Variants in PCOLCE2 observed in about 807,000 individuals in gnomAD.
The protein encoded by PCOLCE2 is procollagen C-proteinase enhancer 2.
PCOLCE2 carries 42 observed loss-of-function variants against 47.0 expected under a neutral mutation model. The ratio of observed to expected loss-of-function variants is 0.89; its 90% CI spans 0.70 to 1.16. The LOEUF is 1.16. Among genes scored for constraint, PCOLCE2 ranks in the 50% most tolerant of loss-of-function variants. The pLI is 0.00. For synonymous variants in PCOLCE2, 169 were observed against 191.7 expected, an observed-to-expected ratio of 0.88 and a Z score of 0.98; for missense variants, 500 against 526.1, an observed-to-expected ratio of 0.95 and a Z score of 0.49.
intron 2 of PCOLCE2, among the ~76,000 whole-genome samples, chr3:142,872,699 A>G (rs1933414163): frequency 6.6e-6 from 1 of 152,128 alleles, no homozygotes; most frequent in Non-Finnish European, 1.5e-5. Flanking sequence ...GGGAAAAAAA[A>G]TCTTGCCTCC....
intron 2 of PCOLCE2, among the ~76,000 whole-genome samples, chr3:142,858,495 C>T (rs927157597): frequency 1.3e-5 from 2 of 152,226 alleles, no homozygotes; most frequent in African/African-American, 2.4e-5. Flanking sequence ...CATACACACA[C>T]ACATGCGCAC....
In PCOLCE2 at chr3:142,818,406, T is replaced by C. The variant is rs371298228; in HGVS notation, c.1177A>G (p.Asn393Asp). 4 of 1,613,518 alleles carry C rather than the reference T, an allele frequency of 2.5e-6. No homozygotes were observed. Among genetic ancestry groups the C allele is most frequent in the Non-Finnish European group, 3.4e-6 (4 of 1,179,540 alleles). ...GEDGRGKIMP[N>D]SFIMMFKTKN... ...GTCTTGAACATCATGATAAAGCTGT[T>C]TGGCATGATTTTGCCTCGCCCATCT... Residue 393 changes from asparagine (N) to aspartate (D), a missense_variant, in exon 9 of 9, where the codon AAC (asparagine) becomes GAC (aspartate). Transcript: ENST00000295992.
chr3:142,859,466 T>C (rs1385273598), intron 2 of PCOLCE2, among the ~76,000 whole-genome samples: 2 of 152,250 alleles, frequency 1.3e-5, no homozygotes, highest in East Asian at 3.9e-4. Context: ...AAATCTGAAA[T>C]ATTTTCAAGA....
In PCOLCE2 at chr3:142,823,590, A is replaced by C; in HGVS notation, c.891T>G (p.Cys297Trp). 1 of 1,609,344 alleles carries C rather than the reference A, an allele frequency of 6.2e-7. No homozygotes were observed. Among genetic ancestry groups the C allele is most frequent in the Non-Finnish European group, 8.5e-7 (1 of 1,175,956 alleles). Residue 297 changes from cysteine to tryptophan, a missense_variant, in exon 7 of 9, where the codon TGT becomes TGG. Coordinates refer to ENST00000295992, the MANE Select transcript of PCOLCE2 (RefSeq NM_013363.4). The stretch of plus-strand genomic sequence containing the variant: ...TCCCCGTCCGTCTACACTTTTGTTG[A>C]CACAAGGCCACGGTGGGTTTTAAAC... ...TTGLKPTVAL[C>W]QQKCRRTGTL...
At chr3:142,866,266 C>T (rs1249038859) in intron 2 of PCOLCE2, among the ~76,000 whole-genome samples, 3 of 152,168 alleles carry the variant, frequency 2.0e-5, no homozygotes, top group Admixed American at 6.5e-5. Context: ...CAAATTCTCT[C>T]TCTCTTCTTC....
At chr3:142,850,275 C>T (rs1937375594) in intron 2 of PCOLCE2, among the ~76,000 whole-genome samples, 1 of 152,148 alleles carries the variant, frequency 6.6e-6, no homozygotes, top group Non-Finnish European at 1.5e-5. Flanking sequence ...CTCTATGAAT[C>T]ACCGAAAAAG....
rs1159699807 is a variant in PCOLCE2 at position 142,888,748 on chromosome 3, A to C, written c.83+66T>G. 3.1e-6 allele frequency: 3 copies of C among 964,914 alleles called. No homozygotes were observed. In the Admixed American group the frequency reaches 1.2e-4, roughly 37 times the overall value. The allele number at this position is 964,914 out of a possible 1,614,324, so 59.8% of individuals were successfully genotyped here. A position where few individuals can be genotyped will look rare whatever the true frequency, so the allele number is the denominator to read the frequency against. On this transcript the variant is annotated intron_variant, in intron 1 of 8. Coordinates refer to ENST00000295992, the MANE Select transcript of PCOLCE2 (RefSeq NM_013363.4). The stretch of plus-strand genomic sequence containing the variant: ...GCCGAAGCGGGTTGAGTAAAGCAGC[A>C]GGCGAGGCTGCAGGGGTGGAGGAAG...
At chr3:142,888,224 A>C (rs1033082171) in intron 1 of PCOLCE2, among the ~76,000 whole-genome samples, 1 of 152,188 alleles carries the variant, frequency 6.6e-6, no homozygotes, top group Non-Finnish European at 1.5e-5. Context: ...CCCTTTCTGA[A>C]AATCACTCGC....
chr3:142,878,043 G>A (rs1405538601), intron 2 of PCOLCE2, among the ~76,000 whole-genome samples: 1 of 152,188 alleles, frequency 6.6e-6, no homozygotes, highest in Non-Finnish European at 1.5e-5. Context: ...TTTAGCAGGA[G>A]TAAAATTGCC....
In PCOLCE2 at chr3:142,829,957, T is replaced by C. The variant is rs190696542; in HGVS notation, c.711-111A>G. 1.1e-4 allele frequency: 64 copies of C among 583,900 alleles called. 1 individual carries two copies. In the Admixed American group the frequency reaches 1.8e-3, roughly 16 times the overall value. The allele number at this position is 583,900 out of a possible 1,614,324, so 36.2% of individuals were successfully genotyped here. On this transcript the variant is annotated intron_variant, in intron 5 of 8. Transcript: ENST00000295992. ...TTCCGACAATAGATTACCAGTTGTT[T>C]AAACTTAAAAGTTAAAACGTTTAAA... is the stretch of plus-strand genomic sequence containing the variant.
At chr3:142,853,116 A>G (rs1578040657) in intron 2 of PCOLCE2, among the ~76,000 whole-genome samples, 2 of 151,980 alleles carry the variant, frequency 1.3e-5, no homozygotes, top group Admixed American at 6.6e-5. Context: ...AAAAAAAAAA[A>G]AGGGAAAATG....
At chr3:142,821,470 A>T (rs1262419196) in intron 7 of PCOLCE2, among the ~76,000 whole-genome samples, 2 of 151,956 alleles carry the variant, frequency 1.3e-5, no homozygotes, top group Non-Finnish European at 2.9e-5. Flanking sequence ...CTAAGATGTG[A>T]GTCTTTGTGT....
At chr3:142,824,186 T>C (rs547058136) in intron 6 of PCOLCE2, among the ~76,000 whole-genome samples, 15 of 151,968 alleles carry the variant, frequency 9.9e-5, no homozygotes, top group Admixed American at 6.5e-4. Context: ...AACTAAGAAG[T>C]AGACAAATTT....
chr3:142,854,738 T>A (rs1195380257), intron 2 of PCOLCE2, among the ~76,000 whole-genome samples: 6 of 152,152 alleles, frequency 3.9e-5, no homozygotes, highest in Non-Finnish European at 8.8e-5. Context: ...CCACTGCACT[T>A]AGAATAAAAT....
intron 2 of PCOLCE2, among the ~76,000 whole-genome samples, chr3:142,855,177 C>T (rs911089458): frequency 6.6e-6 from 1 of 152,192 alleles, no homozygotes; most frequent in Non-Finnish European, 1.5e-5. Flanking sequence ...TTAGATCACA[C>T]AGCCCTCTTA....
At chr3:142,868,393 T>G (rs1933323773) in intron 2 of PCOLCE2, among the ~76,000 whole-genome samples, 1 of 152,226 alleles carries the variant, frequency 6.6e-6, no homozygotes, top group South Asian at 2.1e-4. Context: ...CAAGGGGTGT[T>G]AGATATAAAT....
intron 2 of PCOLCE2, among the ~76,000 whole-genome samples, chr3:142,858,049 A>G (rs957051178): frequency 3.3e-5 from 5 of 152,010 alleles, no homozygotes; most frequent in African/African-American, 7.3e-5. Context: ...TTCCACTCCA[A>G]TTTCAAAGTT....
chr3:142,819,687 C>T (rs1018115482), intron 8 of PCOLCE2, among the ~76,000 whole-genome samples: 30 of 152,110 alleles, frequency 2.0e-4, no homozygotes, highest in African/African-American at 7.2e-4. Flanking sequence ...GCTCTGCCAC[C>T]CAGGCTGGAG....
At chr3:142,873,641 G>A (rs754497329) in intron 2 of PCOLCE2, among the ~76,000 whole-genome samples, 60 of 152,124 alleles carry the variant, frequency 3.9e-4, no homozygotes, top group Non-Finnish European at 7.8e-4. Context: ...AAAGCACATA[G>A]GAGCTTCAGT....
Sources: allele counts gnomAD v4.1 joint callset (sites outside exome capture counted in the v4.1 genomes callset), GRCh38; gene constraint gnomAD v4.1.1; transcripts MANE v1.5; gene names NCBI Gene and HGNC (gene_info 2026-07-23, HGNC 2026-07-21).